The following ACACB variants were observed in gnomAD, a reference collection of about 807,000 sequenced individuals.
ACACB encodes acetyl-CoA carboxylase beta.
Under a neutral mutation model 278.8 loss-of-function variants are expected in ACACB, and 209 were observed. The observed-to-expected ratio is 0.75, with a 90% CI of 0.67 to 0.84. ACACB has a LOEUF of 0.84. ACACB is among the 40% of genes least tolerant of loss of function. ACACB has a pLI of 0.00. For synonymous variants in ACACB, 1,174 were observed against 1,285.6 expected (o/e 0.91, Z 1.86); for missense variants, 2,850 against 3,269.0 (o/e 0.87, Z 3.13).
At position 109,253,137 on chromosome 12, in the gene ACACB, G is replaced by A; in HGVS notation, c.6024G>A (p.Glu2008=). Residue 2008 remains glutamate (E), a synonymous_variant, in exon 43 of 53, where the codon GAG becomes GAA. Transcript: ENST00000338432. The part of the protein sequence containing the change: ...DDFEGVYTIL[E]WLSYMPKDNH... ...TTGAGGGGGTTTATACCATCCTGGA[G>A]TGGCTGTCCTATATGCCAAAGGTGC... 6.3e-7 allele frequency: 1 copy of A among 1,597,440 alleles called. No individual in the cohort carries two copies. Among genetic ancestry groups the A allele is most frequent in the Non-Finnish European group, 8.5e-7 (1 of 1,170,166 alleles).
At chr12:109,170,349 G>A (rs1209027033) in intron 4 of ACACB, among the ~76,000 whole-genome samples, 3 of 152,094 alleles carry the variant, frequency 2.0e-5, no homozygotes, top group African/African-American at 7.2e-5. Flanking sequence ...ACAGGTGTCA[G>A]CCACCGCGCC....
intron 17 of ACACB, 131 bp downstream of exon 17, chr12:109,197,284 G>A: frequency 8.6e-7 from 1 of 1,167,680 alleles, no homozygotes; most frequent in Non-Finnish European, 1.2e-6. Context: ...TAAATTCTGG[G>A]GGTGTGCAGA....
chr12:109,150,955 T>C (rs1458402277), intron 2 of ACACB, among the ~76,000 whole-genome samples: 1 of 151,292 alleles, frequency 6.6e-6, no homozygotes, highest in Non-Finnish European at 1.5e-5. Context: ...TTCTTTTTCT[T>C]TTTTTCTTTT....
intron 47 of ACACB, chr12:109,260,020 T>G: frequency 7.8e-7 from 1 of 1,284,256 alleles, no homozygotes; most frequent in Non-Finnish European, 1.0e-6. Context: ...TGACATGCAG[T>G]GTGATTGTCA....
rs79982724 is a variant in ACACB, at chr12:109,262,460, G to A, written c.6778G>A (p.Glu2260Lys). Residue 2260 changes from glutamate (E) to lysine (K), a missense_variant, in exon 49 of 53, where the codon GAA (glutamate) becomes AAA (lysine). Coordinates refer to ENST00000338432, the MANE Select transcript of ACACB (RefSeq NM_001093.4). ...RIDPAYKKLM[E>K]QLGEPDLSDK... ...CGATCCAGCTTACAAGAAGCTCATG[G>A]AACAGCTAGGTAAGGGGGTCCCAAA... is the stretch of plus-strand genomic sequence containing the variant. 360 of 1,612,778 alleles carry A rather than the reference G, an allele frequency of 2.2e-4. 2 individuals carry two copies. In the African/African-American group the frequency reaches 4.1e-3, roughly 18 times the overall value.
At position 109,174,134 on chromosome 12, in the gene ACACB, C is replaced by A. The variant is rs770380543; in HGVS notation, c.1120C>A (p.Pro374Thr). The change falls in exon 7 of 53, where the codon CCT becomes ACT. Residue 374 changes from proline (P) to threonine (T), a missense_variant and splice_region_variant. Transcript: ENST00000338432. ...CCTTCTTGTCCCCGATTCCTCAGGC[C>A]CTCCCAGTGAGGCCATGTGGGCCTT... The part of the protein sequence containing the change: ...LCKNGVAFLG[P>T]PSEAMWALGD... The A allele has an allele frequency of 6.8e-6, 11 of 1,610,278 alleles. No individual in the cohort carries two copies. Among genetic ancestry groups the A allele is most frequent in the Non-Finnish European group, 9.3e-6 (11 of 1,178,602 alleles).
chr12:109,227,232 G>A, intron 27 of ACACB, 139 bp from the exon 28 acceptor site: 1 of 746,296 alleles, frequency 1.3e-6, no homozygotes, highest in Non-Finnish European at 2.2e-6. Context: ...TTGCAGGCCT[G>A]AGCCACTGCA....
At chr12:109,219,491 T>G (rs1244816008) in intron 24 of ACACB, among the ~76,000 whole-genome samples, 1 of 152,214 alleles carries the variant, frequency 6.6e-6, no homozygotes. Flanking sequence ...TTAGTGCTTT[T>G]TGAAAGTTTC....
chr12:109,212,223 G>A (rs772519650), intron 21 of ACACB, among the ~76,000 whole-genome samples: 2 of 152,150 alleles, frequency 1.3e-5, no homozygotes, highest in South Asian at 4.1e-4. Context: ...ACCTCCCTGG[G>A]AGGCTGTGGT....
intron 31 of ACACB, 115 bp downstream of exon 31, chr12:109,234,160 C>A: frequency 2.4e-6 from 2 of 842,286 alleles, no homozygotes; most frequent in Non-Finnish European, 3.8e-6. Flanking sequence ...GAGCCACAGA[C>A]CTGGCTTCCC....
chr12:109,149,272 A>T (rs2043313305), intron 2 of ACACB, among the ~76,000 whole-genome samples: 1 of 152,158 alleles, frequency 6.6e-6, no homozygotes, highest in Admixed American at 6.6e-5. Flanking sequence ...AGATTAGGGT[A>T]GTTTATGGAT....
At chr12:109,134,979 A>T (rs1014775892) in intron 1 of ACACB, among the ~76,000 whole-genome samples, 1 of 152,236 alleles carries the variant, frequency 6.6e-6, no homozygotes, top group African/African-American at 2.4e-5. Flanking sequence ...TACCCATAGT[A>T]CTGCTATGTA....
At chr12:109,204,675 A>C (rs568731121) in intron 19 of ACACB, among the ~76,000 whole-genome samples, 2 of 152,094 alleles carry the variant, frequency 1.3e-5, no homozygotes, top group East Asian at 3.9e-4. Flanking sequence ...CCTGGCAGCC[A>C]TCACTCTACA....
chr12:109,162,685 G>A (rs916324412), intron 2 of ACACB, among the ~76,000 whole-genome samples: 11 of 152,090 alleles, frequency 7.2e-5, no homozygotes, highest in Admixed American at 2.0e-4. Context: ...CGTTCCCCCC[G>A]GGGCTCCAGG....
chr12:109,179,101 T>G lies in ACACB; in HGVS notation c.1451T>G (p.Ile484Ser). ...PILFRQVQSE[I>S]PGSPIFLMKL... ...TTCCCCCGACAGGTACAGAGTGAGA[T>G]CCCAGGCTCGCCCATCTTTCTCATG... Residue 484 changes from isoleucine to serine, a missense_variant, in exon 10 of 53, where the codon ATC (isoleucine) becomes AGC (serine). Around this residue, in one of 3 missense-constraint regions of ACACB, gnomAD observed 2,265 missense variants for 2,561.3 expected, o/e 0.88. Coordinates refer to ENST00000338432, the MANE Select transcript of ACACB (RefSeq NM_001093.4). The G allele has an allele frequency of 1.2e-6, 2 of 1,613,126 alleles. No individual in the cohort carries two copies. The highest frequency in any genetic ancestry group is 1.7e-6 in the Non-Finnish European group (2 of 1,179,562).
rs549530656 is a variant in ACACB at position 109,231,602 on chromosome 12, C to A, written c.4002-1067C>A. ...CAAAAGCACCCCCAGGTTCGATCAT[C>A]GCCTAGGAGAACTCACAGGTCTCGG... is the stretch of plus-strand genomic sequence containing the variant. On this transcript the variant is annotated intron_variant, in intron 28 of 52. Coordinates refer to ENST00000338432, the MANE Select transcript of ACACB (RefSeq NM_001093.4). Among the ~76,000 whole-genome samples, 3 of 152,184 alleles carry A rather than the reference C, an allele frequency of 2.0e-5. No homozygotes were observed. In the South Asian group the frequency reaches 6.2e-4, roughly 32 times the overall value.
rs145779356 is a variant in ACACB, at chr12:109,223,895, G to A, written c.3873G>A (p.Ala1291=). The change falls in exon 27 of 53, where the codon GCG becomes GCA. Residue 1291 remains alanine (A), a synonymous_variant. Transcript: ENST00000338432. ...FYHANKVVCM[A]SLEVYVRRGY... ...ACGCAAACAAAGTCGTGTGCATGGCGTCCTTGGAGGTAAGCAGGAGAGGCC... is the reference window on the plus strand; with the variant it reads ...ACGCAAACAAAGTCGTGTGCATGGCATCCTTGGAGGTAAGCAGGAGAGGCC... 5.0e-6 allele frequency: 8 copies of A among 1,613,784 alleles called. No individual in the cohort carries two copies. Among genetic ancestry groups the A allele is most frequent in the South Asian group, 2.2e-5 (2 of 91,084 alleles).
At position 109,245,534 on chromosome 12, in the gene ACACB, C is replaced by G. The variant is rs545236993; in HGVS notation, c.5179-92C>G. 4.7e-5 allele frequency: 65 copies of G among 1,372,130 alleles called. No homozygotes were observed. The African/African-American group carries it at 8.8e-4, about 19-fold the overall frequency. The allele number at this position is 1,372,130 out of a possible 1,614,324, so 85.0% of individuals were successfully genotyped here. On this transcript the variant is annotated intron_variant, in intron 37 of 52. Coordinates refer to ENST00000338432, the MANE Select transcript of ACACB (RefSeq NM_001093.4). Reference sequence around the variant, plus strand: ...AGAGAGAGTGAACTACAGAATTCACCCTGGAATCATGACAGATCATCTCTG... The same window carrying G: ...AGAGAGAGTGAACTACAGAATTCACGCTGGAATCATGACAGATCATCTCTG...
At chr12:109,220,959 A>T (rs1313335426) in intron 24 of ACACB, among the ~76,000 whole-genome samples, 1 of 152,230 alleles carries the variant, frequency 6.6e-6, no homozygotes, top group Non-Finnish European at 1.5e-5. Flanking sequence ...AATTTAAAAA[A>T]TGTTCACACA....
Sources: allele counts gnomAD v4.1 joint callset (sites outside exome capture counted in the v4.1 genomes callset), GRCh38; gene constraint gnomAD v4.1.1; regional missense constraint gnomAD v4.1.1; transcripts MANE v1.5; gene names NCBI Gene and HGNC (gene_info 2026-07-23, HGNC 2026-07-21).